The following PCDH9 variants were observed in gnomAD, a reference collection of about 807,000 sequenced individuals.
PCDH9 encodes the protein protocadherin-9.
A neutral mutation model predicts 70.6 loss-of-function variants in PCDH9; 24 were observed. The observed-to-expected ratio is 0.34, with a 90% CI of 0.25 to 0.48. PCDH9 has a LOEUF of 0.48. Among genes scored for constraint, PCDH9 ranks in the 20% least tolerant of loss-of-function variants. The pLI, the probability that PCDH9 is intolerant of heterozygous loss-of-function variation, is 0.99. For missense variants in PCDH9, 1,281 were observed against 1,503.6 expected, an observed-to-expected ratio of 0.85 and a Z score of 2.45; for synonymous variants, 562 against 558.5, an observed-to-expected ratio of 1.01 and a Z score of -0.09.
chr13:66,580,025 A>G (rs572472857), intron 4 of PCDH9, among the ~76,000 whole-genome samples: 8 of 152,050 alleles, frequency 5.3e-5, no homozygotes, highest in Non-Finnish European at 1.0e-4. Context: ...TATGTCTTTG[A>G]TCTCTTAAGT....
intron 4 of PCDH9, among the ~76,000 whole-genome samples, chr13:66,440,114 C>T (rs188378926): frequency 1.0e-3 from 156 of 152,178 alleles, no homozygotes; most frequent in African/African-American, 3.4e-3. Context: ...TTATAGTAAA[C>T]GAAAGATGAA....
chr13:66,921,086 C>G (rs943412551), intron 2 of PCDH9, among the ~76,000 whole-genome samples: 4 of 151,062 alleles, frequency 2.6e-5, no homozygotes, highest in African/African-American at 9.7e-5. Flanking sequence ...AAAATATATA[C>G]TTAACCTCAT....
At chr13:66,705,480 C>A (rs576113444) in intron 3 of PCDH9, among the ~76,000 whole-genome samples, 12 of 152,158 alleles carry the variant, frequency 7.9e-5, no homozygotes, top group Non-Finnish European at 1.6e-4. Context: ...ATCGTCCAAT[C>A]CCCCATCACA....
At chr13:66,687,752 C>T (rs1481203034) in intron 3 of PCDH9, among the ~76,000 whole-genome samples, 1 of 152,074 alleles carries the variant, frequency 6.6e-6, no homozygotes, top group East Asian at 1.9e-4. Flanking sequence ...CTACTGACAC[C>T]ACCATTTCCA....
intron 4 of PCDH9, among the ~76,000 whole-genome samples, chr13:66,434,229 G>A (rs1402007457): frequency 6.6e-6 from 1 of 151,808 alleles, no homozygotes; most frequent in East Asian, 1.9e-4. Context: ...GATTTTACAT[G>A]AATCTTTTCA....
At chr13:66,359,537 GAAC>G (rs1956435096) in intron 4 of PCDH9, among the ~76,000 whole-genome samples, 1 of 151,928 alleles carries the variant, frequency 6.6e-6, no homozygotes. Context: ...AGCCCTTTCA[GAAC>G]AACAATAAAA....
chr13:67,228,411 A>G lies in PCDH9; in HGVS notation c.30T>C (p.Ala10=). The G allele has an allele frequency of 6.3e-7, 1 of 1,594,072 alleles. No homozygotes were observed. Among genetic ancestry groups the G allele is most frequent in the South Asian group, 1.1e-5 (1 of 87,666 alleles). MDLRDFYLL[A]ALIACLRLDS... ...CCAGCCTTAAACAGGCAATCAGAGCAGCCAACAGGTAAAAATCCCTCAGGT... is the reference window on the plus strand; with the variant it reads ...CCAGCCTTAAACAGGCAATCAGAGCGGCCAACAGGTAAAAATCCCTCAGGT... Residue 10 remains alanine (A), a synonymous_variant, in exon 2 of 5, where the codon GCT becomes GCC. Transcript: ENST00000377865.
At position 66,634,992 on chromosome 13, in the gene PCDH9, T is replaced by G. The variant is rs904950701; in HGVS notation, c.3139-3581A>C. 2.0e-5 allele frequency among the ~76,000 whole-genome samples: 3 copies of G among 152,172 alleles called. No individual in the cohort carries two copies. The South Asian group carries it at 6.2e-4, about 32-fold the overall frequency. On this transcript the variant is annotated intron_variant, in intron 3 of 4. Coordinates refer to ENST00000377865, the MANE Select transcript of PCDH9 (RefSeq NM_203487.3). ...GAAAGTGAAGAGTTGCCCATTATCC[T>G]TCCAGTACATATATAATGGTATATT...
At chr13:66,843,865 G>A (rs891909126) in intron 3 of PCDH9, among the ~76,000 whole-genome samples, 6 of 152,194 alleles carry the variant, frequency 3.9e-5, no homozygotes, top group African/African-American at 9.6e-5. Context: ...GTCAACAAGT[G>A]TCCTTATAAA....
At chr13:66,556,635 C>A (rs1961752392) in intron 4 of PCDH9, among the ~76,000 whole-genome samples, 1 of 152,074 alleles carries the variant, frequency 6.6e-6, no homozygotes, top group African/African-American at 2.4e-5. Flanking sequence ...CCATGTTGTA[C>A]TAGTAAATTA....
chr13:66,929,765 C>T (rs375238957), intron 2 of PCDH9, among the ~76,000 whole-genome samples: 43 of 152,130 alleles, frequency 2.8e-4, no homozygotes, highest in African/African-American at 1.0e-3. Flanking sequence ...TCTTATCTAG[C>T]CTTCACAATA....
At chr13:66,313,415 G>T (rs1955597683) in intron 4 of PCDH9, among the ~76,000 whole-genome samples, 1 of 152,154 alleles carries the variant, frequency 6.6e-6, no homozygotes, top group Non-Finnish European at 1.5e-5. Context: ...AATCTAATTT[G>T]ATGTGAAGCA....
chr13:67,020,176 AATCT>A (rs938540353), intron 2 of PCDH9, among the ~76,000 whole-genome samples: 11 of 152,250 alleles, frequency 7.2e-5, no homozygotes, highest in South Asian at 2.1e-4. Flanking sequence ...TTACAAACAG[AATCT>A]ATCTATGGGG....
intron 2 of PCDH9, among the ~76,000 whole-genome samples, chr13:67,168,326 C>G (rs903976232): frequency 3.9e-5 from 6 of 152,036 alleles, no homozygotes; most frequent in Non-Finnish European, 8.8e-5. Flanking sequence ...AGGGCTGATA[C>G]AGAACGTTCA....
At chr13:66,705,044 G>C (rs1405064924) in intron 3 of PCDH9, among the ~76,000 whole-genome samples, 1 of 152,002 alleles carries the variant, frequency 6.6e-6, no homozygotes, top group Non-Finnish European at 1.5e-5. Flanking sequence ...ATTTAGGGCT[G>C]TACAATATAT....
At chr13:67,088,941 T>C (rs2086162859) in intron 2 of PCDH9, among the ~76,000 whole-genome samples, 1 of 152,018 alleles carries the variant, frequency 6.6e-6, no homozygotes, top group South Asian at 2.1e-4. Context: ...AGCTGTAAGA[T>C]TAGAAAACAC....
chr13:66,550,716 C>T (rs760694180), intron 4 of PCDH9, among the ~76,000 whole-genome samples: 3 of 152,116 alleles, frequency 2.0e-5, no homozygotes, highest in African/African-American at 7.2e-5. Flanking sequence ...ACATGCCGTT[C>T]GGGTTTTCTG....
At chr13:67,220,394 G>C (rs2089698713) in intron 2 of PCDH9, 1 of 151,932 alleles carries the variant, frequency 6.6e-6, no homozygotes, top group Non-Finnish European at 1.5e-5. Context: ...AGTTAATTAT[G>C]AGAAAATTTG....
chr13:67,003,534 T>C (rs1201729206), intron 2 of PCDH9, among the ~76,000 whole-genome samples: 1 of 152,212 alleles, frequency 6.6e-6, no homozygotes, highest in Non-Finnish European at 1.5e-5. Flanking sequence ...ATATGTTTCT[T>C]AATATTAATC....
Sources: allele counts gnomAD v4.1 joint callset (sites outside exome capture counted in the v4.1 genomes callset), GRCh38; gene constraint gnomAD v4.1.1; transcripts MANE v1.5; gene names NCBI Gene and HGNC (gene_info 2026-07-23, HGNC 2026-07-21).